The following DHX15 variants were observed in gnomAD, a reference collection of about 807,000 sequenced individuals.
The protein encoded by DHX15 is ATP-dependent RNA helicase DHX15.
In DHX15, 11 loss-of-function variants were observed where a neutral mutation model predicts 94.4. That is an observed-to-expected ratio of 0.12 (90% CI 0.07 to 0.19). DHX15 has a LOEUF of 0.19. DHX15 is among the 10% of genes least tolerant of loss of function. The probability of loss-of-function intolerance (pLI) is 1.00; values close to 1 mark genes in which losing one functional copy is unlikely to be tolerated. For missense variants in DHX15, 304 were observed against 988.5 expected, an observed-to-expected ratio of 0.31 and a Z score of 9.29; for synonymous variants, 338 against 329.9, an observed-to-expected ratio of 1.02 and a Z score of -0.27.
chr4:24,569,461 G>A (rs753106134), intron 3 of DHX15, among the ~76,000 whole-genome samples: 11 of 151,802 alleles, frequency 7.2e-5, no homozygotes, highest in African/African-American at 1.2e-4. Context: ...GCATGGTGGC[G>A]CACACCTATA....
chr4:24,541,703 G>A (rs1721316441), intron 8 of DHX15, among the ~76,000 whole-genome samples, 170 bp downstream of exon 8: 1 of 152,072 alleles, frequency 6.6e-6, no homozygotes, highest in African/African-American at 2.4e-5. Flanking sequence ...CCTGGAATAA[G>A]GGGGTGTACG....
chr4:24,558,858 G>C (rs1472445915), intron 3 of DHX15, among the ~76,000 whole-genome samples: 1 of 152,060 alleles, frequency 6.6e-6, no homozygotes, highest in Admixed American at 6.6e-5. Context: ...CAGTTACTAA[G>C]ACTAGGTATC....
intron 2 of DHX15, 49 bp from the exon 3 acceptor site, chr4:24,570,896 A>C (rs1188432395): frequency 6.4e-7 from 1 of 1,568,306 alleles, no homozygotes; most frequent in East Asian, 2.3e-5. Context: ...CCTGCATATC[A>C]AGTATATGTA....
At chr4:24,530,574 A>G (rs1017734503) in intron 12 of DHX15, 2 of 151,834 alleles carry the variant, frequency 1.3e-5, no homozygotes, top group African/African-American at 4.8e-5. Flanking sequence ...GAGAGGCTCC[A>G]TTTCAAAAAA....
At chr4:24,571,807 C>T (rs1722128510) in intron 2 of DHX15, among the ~76,000 whole-genome samples, 1 of 152,166 alleles carries the variant, frequency 6.6e-6, no homozygotes, top group Non-Finnish European at 1.5e-5. Context: ...GTTGCTTCTG[C>T]AATTGGGGGT....
At chr4:24,547,854 CAT>C (rs1480442795) in intron 6 of DHX15, among the ~76,000 whole-genome samples, 3 of 114,936 alleles carry the variant, frequency 2.6e-5, no homozygotes, top group Non-Finnish European at 5.1e-5. Context: ...ATATTTAAGA[CAT>C]ATATGTCTCT....
At chr4:24,568,753 A>G (rs1459400502) in intron 3 of DHX15, among the ~76,000 whole-genome samples, 1 of 152,212 alleles carries the variant, frequency 6.6e-6, no homozygotes, top group Admixed American at 6.5e-5. Context: ...AGATGAGTAA[A>G]ATCTCCCCCT....
chr4:24,575,740 T>A (rs1722244128), intron 2 of DHX15, among the ~76,000 whole-genome samples: 1 of 152,162 alleles, frequency 6.6e-6, no homozygotes, highest in African/African-American at 2.4e-5. Context: ...TAATAGCCCA[T>A]CCATGTTTAA....
intron 12 of DHX15, chr4:24,530,679 T>TG (rs11366518): frequency 1.3e-5 from 2 of 149,510 alleles, no homozygotes; most frequent in African/African-American, 2.5e-5. Flanking sequence ...AAAATAAAAA[T>TG]GGGAAAAAAA....
At chr4:24,584,171 G>C in intron 1 of DHX15, 152 bp downstream of exon 1, 1 of 799,626 alleles carries the variant, frequency 1.3e-6, no homozygotes, top group Non-Finnish European at 1.9e-6. Context: ...AACGGGCGCC[G>C]CGCTTCTCCT....
At chr4:24,579,607 T>C (rs890101882) in intron 1 of DHX15, among the ~76,000 whole-genome samples, 1 of 152,184 alleles carries the variant, frequency 6.6e-6, no homozygotes, top group Non-Finnish European at 1.5e-5. Context: ...GCTCAAGACT[T>C]AAGCCAACTA....
At chr4:24,532,090 T>C (rs1466316349) in intron 12 of DHX15, among the ~76,000 whole-genome samples, 2 of 152,242 alleles carry the variant, frequency 1.3e-5, no homozygotes, top group African/African-American at 4.8e-5. Flanking sequence ...TGATTTGTTT[T>C]CAATTTTATC....
chr4:24,574,123 T>G (rs924593302), intron 2 of DHX15, among the ~76,000 whole-genome samples: 9 of 145,776 alleles, frequency 6.2e-5, no homozygotes, highest in Non-Finnish European at 1.5e-5. Context: ...GGAGAATCAC[T>G]TGAACCCAGG....
intron 1 of DHX15, among the ~76,000 whole-genome samples, chr4:24,578,584 T>C (rs778954466): frequency 6.6e-6 from 1 of 152,144 alleles, no homozygotes. Context: ...TTTTTTGAGA[T>C]AGGATCTTGC....
In DHX15 at chr4:24,540,960, C is replaced by CAA; in HGVS notation, c.1486-14_1486-13dup. On this transcript the variant is annotated splice_polypyrimidine_tract_variant and intron_variant, in intron 8 of 13. Transcript: ENST00000336812. ...GGATAGGTGTTATCCTAGCAAAGAA[C>CAA]AAAAACATTTATTGGTTATGTTAAA... 1.3e-6 allele frequency: 2 copies of CAA among 1,518,492 alleles called. No homozygotes were observed. Among genetic ancestry groups the CAA allele is most frequent in the Non-Finnish European group, 1.8e-6 (2 of 1,107,254 alleles). The allele number at this position is 1,518,492 out of a possible 1,614,324, so 94.1% of individuals were successfully genotyped here.
intron 11 of DHX15, chr4:24,533,474 T>C (rs1257933111): frequency 1.1e-5 from 2 of 189,722 alleles, no homozygotes; most frequent in East Asian, 1.2e-4. Context: ...TTGTTCTTTA[T>C]GCCTGACACA....
At chr4:24,547,950 T>TATATATATATATAC (rs1560766069) in intron 6 of DHX15, among the ~76,000 whole-genome samples, 1 of 12,204 alleles carries the variant, frequency 8.2e-5, no homozygotes, top group African/African-American at 4.6e-4. Flanking sequence ...TATCTATATC[T>TATATATATATATAC]ATATCTATAT....
intron 5 of DHX15, among the ~76,000 whole-genome samples, chr4:24,550,093 TCAA>T (rs1721555487): frequency 1.5e-4 from 1 of 6,548 alleles, no homozygotes; most frequent in African/African-American, 1.0e-3. Flanking sequence ...AAACTCCGTC[TCAA>T]AAAAAAAAAA....
At chr4:24,532,842 C>A in intron 12 of DHX15, 22 bp downstream of exon 12, 2 of 1,522,840 alleles carry the variant, frequency 1.3e-6, no homozygotes, top group Non-Finnish European at 8.9e-7. Context: ...CTTAGTTATT[C>A]ATTCCCATAT....
Sources: gnomAD v4.1 joint callset for allele counts (sites outside exome capture counted in the v4.1 genomes callset) on GRCh38, gnomAD v4.1.1 for gene constraint, MANE v1.5 for transcripts, NCBI Gene and HGNC (gene_info 2026-07-23, HGNC 2026-07-21) for gene names.